The following DIAPH2 variants were observed in gnomAD, a reference collection of about 807,000 sequenced individuals.
The protein encoded by DIAPH2 is protein diaphanous homolog 2.
A neutral mutation model predicts 92.7 loss-of-function variants in DIAPH2; 35 were observed. The observed-to-expected ratio is 0.38, with a 90% CI of 0.29 to 0.50. The LOEUF (loss-of-function observed/expected upper bound fraction) is 0.50. Ranked by LOEUF, DIAPH2 falls within the 20% of genes least tolerant of loss-of-function variation. DIAPH2 has a pLI of 0.94. For synonymous variants in DIAPH2, 301 were observed against 280.4 expected (o/e 1.07, Z -0.73); for missense variants, 701 against 819.5 (o/e 0.86, Z 1.77).
chrX:96,947,390 C>T (rs926211253), intron 14 of DIAPH2, among the ~76,000 whole-genome samples: 2 of 111,070 alleles, frequency 1.8e-5, no homozygotes, highest in Non-Finnish European at 3.8e-5. Flanking sequence ...TAAAGGCAAA[C>T]AAGCTCACAT....
chrX:96,953,537 T>C (rs928280058), intron 15 of DIAPH2: 2 of 112,380 alleles, frequency 1.8e-5, no homozygotes, highest in Non-Finnish European at 3.8e-5. Context: ...TAAGAAGCTC[T>C]TTTATTCATC....
chrX:96,949,480 A>G (rs1602655557), intron 15 of DIAPH2, among the ~76,000 whole-genome samples: 1 of 109,949 alleles, frequency 9.1e-6, no homozygotes, highest in Middle Eastern at 4.7e-3. Context: ...AATTTCAATT[A>G]GGGTGTCTAA....
chrX:97,054,461 G>C (rs1338510973), intron 17 of DIAPH2, among the ~76,000 whole-genome samples: 1 of 111,639 alleles, frequency 9.0e-6, no homozygotes, highest in Non-Finnish European at 1.9e-5. Context: ...CCAAGATAGG[G>C]AGAAAACTCT....
At chrX:96,932,824 T>G (rs978710137) in intron 10 of DIAPH2, among the ~76,000 whole-genome samples, 1 of 111,245 alleles carries the variant, frequency 9.0e-6, no homozygotes, top group African/African-American at 3.3e-5. Context: ...GTAATACAAA[T>G]AATTATGAAC....
intron 25 of DIAPH2, among the ~76,000 whole-genome samples, chrX:97,393,976 T>A (rs1205550367): frequency 8.9e-6 from 1 of 111,986 alleles, no homozygotes; most frequent in African/African-American, 3.2e-5. Context: ...GATGAGCAGT[T>A]TTGCCAAATA....
chrX:97,153,112 A>G (rs945624258), intron 22 of DIAPH2, among the ~76,000 whole-genome samples: 5 of 111,858 alleles, frequency 4.5e-5, no homozygotes, highest in Non-Finnish European at 9.4e-5. Context: ...AAAAATAGCA[A>G]TGGTAATATC....
chrX:97,411,675 A>G (rs938684265), intron 25 of DIAPH2, among the ~76,000 whole-genome samples: 10 of 112,163 alleles, frequency 8.9e-5, no homozygotes, highest in African/African-American at 3.2e-4. Context: ...GTGCAGAGAC[A>G]CACATAGGCT....
chrX:97,387,077 T>C (rs1190841345), intron 25 of DIAPH2, among the ~76,000 whole-genome samples: 1 of 111,763 alleles, frequency 8.9e-6, no homozygotes, highest in African/African-American at 3.3e-5. Flanking sequence ...TGTTTTGTTT[T>C]TGTTTGAGAC....
At chrX:97,591,502 G>A (rs190533873) in intron 26 of DIAPH2, among the ~76,000 whole-genome samples, 1 of 111,994 alleles carries the variant, frequency 8.9e-6, no homozygotes, top group Admixed American at 9.5e-5. Context: ...GAAAGCAGCA[G>A]AGCTGAAGGT....
chrX:97,379,884 C>A (rs746827161), intron 24 of DIAPH2, among the ~76,000 whole-genome samples: 11 of 111,399 alleles, frequency 9.9e-5, no homozygotes, highest in African/African-American at 3.3e-4. Context: ...GGCATCTGGG[C>A]TCCTTGGAAT....
At chrX:97,448,619 T>G (rs2070332881) in intron 26 of DIAPH2, among the ~76,000 whole-genome samples, 1 of 112,105 alleles carries the variant, frequency 8.9e-6, no homozygotes, top group Non-Finnish European at 1.9e-5. Flanking sequence ...GAAATAAAGT[T>G]TTGAAATAAA....
At chrX:97,369,561 G>A (rs757112565) in intron 24 of DIAPH2, among the ~76,000 whole-genome samples, 42 of 105,378 alleles carry the variant, frequency 4.0e-4, no homozygotes, top group Non-Finnish European at 5.1e-4. Context: ...TGTGTTGCTC[G>A]GTTTCCATTC....
At chrX:97,228,068 T>A (rs2147523540) in intron 22 of DIAPH2, among the ~76,000 whole-genome samples, 1 of 110,807 alleles carries the variant, frequency 9.0e-6, no homozygotes, top group Non-Finnish European at 1.9e-5. Flanking sequence ...GCTATGCTAA[T>A]TTTTAAATTT....
At chrX:96,762,762 C>T (rs887521774) in intron 4 of DIAPH2, among the ~76,000 whole-genome samples, 1 of 110,288 alleles carries the variant, frequency 9.1e-6, no homozygotes, top group Non-Finnish European at 1.9e-5. Context: ...GTAAAAAAAT[C>T]TGATGCCTGA....
chrX:97,250,975 G>C (rs769614326), intron 23 of DIAPH2, among the ~76,000 whole-genome samples: 1 of 111,554 alleles, frequency 9.0e-6, no homozygotes, highest in South Asian at 3.8e-4. Context: ...CCTCTCCTTT[G>C]AATGGAGTTT....
At chrX:97,533,311 C>T (rs1249075447) in intron 26 of DIAPH2, 3 of 111,464 alleles carry the variant, frequency 2.7e-5, no homozygotes, top group Non-Finnish European at 3.8e-5. Flanking sequence ...CTCAGTGATA[C>T]CTTTTATAGC....
intron 23 of DIAPH2, among the ~76,000 whole-genome samples, chrX:97,285,438 A>G (rs1215859728): frequency 9.4e-6 from 1 of 106,703 alleles, no homozygotes; most frequent in East Asian, 3.0e-4. Context: ...GGCAGTCTGT[A>G]TAATTGTTTC....
At chrX:97,597,303 T>G (rs1275756084) in intron 26 of DIAPH2, among the ~76,000 whole-genome samples, 1 of 112,401 alleles carries the variant, frequency 8.9e-6, no homozygotes, top group Admixed American at 9.4e-5. Context: ...TTGCAAAAGC[T>G]TCCATGTCTT....
chrX:97,393,568 G>A (rs1380626839), intron 25 of DIAPH2, among the ~76,000 whole-genome samples: 1 of 111,751 alleles, frequency 8.9e-6, no homozygotes, highest in Non-Finnish European at 1.9e-5. Context: ...ACTATGTAAA[G>A]TACTTGGTCT....
Sources: gnomAD v4.1 joint callset for allele counts (sites outside exome capture counted in the v4.1 genomes callset) on GRCh38, gnomAD v4.1.1 for gene constraint, MANE v1.5 for transcripts, NCBI Gene and HGNC (gene_info 2026-07-23, HGNC 2026-07-21) for gene names.